FAM107B: variants seen among roughly 807,000 people sequenced by gnomAD.
FAM107B encodes family with sequence similarity 107 member B, also known as protein FAM107B.
In FAM107B, 21 loss-of-function variants were observed where a neutral mutation model predicts 31.5. The observed-to-expected ratio is 0.67, with a 90% CI of 0.47 to 0.96. The LOEUF (loss-of-function observed/expected upper bound fraction) is 0.96, where lower values mean the gene tolerates loss of function less well. Among genes scored for constraint, FAM107B ranks in the 40% least tolerant of loss-of-function variants. The pLI, the probability that FAM107B is intolerant of heterozygous loss-of-function variation, is 0.00. For synonymous variants in FAM107B, 157 were observed against 141.5 expected (o/e 1.11, Z -0.78); for missense variants, 452 against 377.1 (o/e 1.20, Z -1.64).
chr10:14,543,940 C>T (rs1848474160), intron 2 of FAM107B, among the ~76,000 whole-genome samples: 1 of 152,156 alleles, frequency 6.6e-6, no homozygotes, highest in Non-Finnish European at 1.5e-5. Context: ...TGGAGGGCCC[C>T]ACCTTTCGCC....
intron 2 of FAM107B, among the ~76,000 whole-genome samples, chr10:14,623,208 A>C (rs1224280606): frequency 6.6e-6 from 1 of 152,196 alleles, no homozygotes; most frequent in Non-Finnish European, 1.5e-5. Flanking sequence ...AACAACTAGC[A>C]CAACAACGCA....
intron 2 of FAM107B, among the ~76,000 whole-genome samples, chr10:14,593,915 A>G (rs1013212357): frequency 6.6e-6 from 1 of 152,232 alleles, no homozygotes; most frequent in Non-Finnish European, 1.5e-5. Flanking sequence ...GTTCGAGAGT[A>G]AAATGTATTA....
rs534977797 is a variant in FAM107B at position 14,605,620 on chromosome 10, C to G, written c.469+62014G>C. Among the ~76,000 whole-genome samples the G allele has an allele frequency of 3.3e-5, 5 of 152,332 alleles. No homozygotes were observed. The East Asian group carries it at 9.6e-4, about 29-fold the overall frequency. On this transcript the variant is annotated intron_variant, in intron 2 of 4. Coordinates refer to ENST00000181796, the MANE Select transcript of FAM107B (RefSeq NM_031453.4). ...GCCTGCCAGCCAAGTAAGGGTCTGGCCATCCCTGGGTCCCTGGAACCCACT... is the reference window on the plus strand; with the variant it reads ...GCCTGCCAGCCAAGTAAGGGTCTGGGCATCCCTGGGTCCCTGGAACCCACT...
chr10:14,722,631 T>C (rs899278567), intron 1 of FAM107B, among the ~76,000 whole-genome samples: 20 of 152,218 alleles, frequency 1.3e-4, no homozygotes, highest in Non-Finnish European at 5.9e-5. Context: ...TTTGGATAAA[T>C]ATCCAGTCAA....
chr10:14,556,347 T>C lies in FAM107B; in HGVS notation c.470-25832A>G, dbSNP rs1280309391. 8.1e-6 allele frequency: 8 copies of C among 985,286 alleles called. No individual in the cohort carries two copies. In the African/African-American group the frequency reaches 1.2e-4, roughly 15 times the overall value. The allele number at this position is 985,286 out of a possible 1,614,324, so 61.0% of individuals were successfully genotyped here. ...TGACTCCTCCCAAATGCACAGAAGATCTAGAAATGCTGACCTCAGAGTTTC... is the reference window on the plus strand; with the variant it reads ...TGACTCCTCCCAAATGCACAGAAGACCTAGAAATGCTGACCTCAGAGTTTC... On this transcript the variant is annotated intron_variant, in intron 2 of 4. Coordinates refer to ENST00000181796, the MANE Select transcript of FAM107B (RefSeq NM_031453.4).
chr10:14,635,756 C>G (rs1431171251), intron 2 of FAM107B, among the ~76,000 whole-genome samples: 1 of 152,124 alleles, frequency 6.6e-6, no homozygotes, highest in African/African-American at 2.4e-5. Context: ...CTCAGCCTCC[C>G]AAGTAGCTTG....
chr10:14,634,298 G>A (rs377032172), intron 2 of FAM107B, among the ~76,000 whole-genome samples: 10 of 151,862 alleles, frequency 6.6e-5, no homozygotes, highest in Admixed American at 4.6e-4. Context: ...TACTCGGGAC[G>A]CTGAGGCAGG....
In FAM107B at chr10:14,646,032, T is replaced by C. The variant is rs547386921; in HGVS notation, c.469+21602A>G. 9.9e-5 allele frequency among the ~76,000 whole-genome samples: 15 copies of C among 152,208 alleles called. No individual in the cohort carries two copies. In the South Asian group the frequency reaches 2.9e-3, roughly 30 times the overall value. On this transcript the variant is annotated intron_variant, in intron 2 of 4. Transcript: ENST00000181796. ...CTCTCCAGTTGACCACTCTGCAAGG[T>C]TGGTTACTCTAAAACTCCACCAGTG...
At chr10:14,589,801 G>A (rs1397074768) in intron 2 of FAM107B, among the ~76,000 whole-genome samples, 1 of 151,940 alleles carries the variant, frequency 6.6e-6, no homozygotes, top group Non-Finnish European at 1.5e-5. Flanking sequence ...ATGTAGCCCA[G>A]AACATAAAGC....
At chr10:14,553,574 C>G (rs530925149) in intron 2 of FAM107B, 1 of 320,110 alleles carries the variant, frequency 3.1e-6, no homozygotes, top group African/African-American at 2.2e-5. Flanking sequence ...TTAACCCCAC[C>G]ACACAGGAAA....
intron 1 of FAM107B, among the ~76,000 whole-genome samples, chr10:14,700,119 G>A (rs1855360317): frequency 6.6e-6 from 1 of 152,080 alleles, no homozygotes; most frequent in Non-Finnish European, 1.5e-5. Flanking sequence ...TTTTAGTAGA[G>A]ACTGGGTTTC....
At chr10:14,711,317 A>G (rs1173783058) in intron 1 of FAM107B, among the ~76,000 whole-genome samples, 1 of 152,202 alleles carries the variant, frequency 6.6e-6, no homozygotes, top group African/African-American at 2.4e-5. Context: ...CCACTCACTG[A>G]TTGACTCACC....
intron 1 of FAM107B, chr10:14,723,101 A>G: frequency 2.7e-6 from 1 of 375,928 alleles, no homozygotes; most frequent in Non-Finnish European, 5.2e-6. Context: ...TTTTTTTCTT[A>G]AGAGATTGAT....
intron 1 of FAM107B, among the ~76,000 whole-genome samples, chr10:14,721,204 A>G (rs1855904216): frequency 1.3e-5 from 2 of 152,134 alleles, no homozygotes; most frequent in African/African-American, 4.8e-5. Context: ...ATAGTATTCC[A>G]TGGTGTATAT....
At chr10:14,577,876 A>G (rs957917715) in intron 2 of FAM107B, among the ~76,000 whole-genome samples, 2 of 152,192 alleles carry the variant, frequency 1.3e-5, no homozygotes, top group East Asian at 3.8e-4. Flanking sequence ...AGGACAGTTA[A>G]TATTTCTGTA....
At chr10:14,629,348 T>C (rs1853265346) in intron 2 of FAM107B, among the ~76,000 whole-genome samples, 1 of 100,338 alleles carries the variant, frequency 1.0e-5, no homozygotes, top group Non-Finnish European at 1.9e-5. Flanking sequence ...ATGTAATTTA[T>C]ATATATAATA....
intron 1 of FAM107B, among the ~76,000 whole-genome samples, chr10:14,753,283 C>T (rs887989416): frequency 1.3e-5 from 2 of 152,176 alleles, no homozygotes; most frequent in African/African-American, 4.8e-5. Context: ...TTTATGATCA[C>T]CCTTTTCCCA....
intron 2 of FAM107B, among the ~76,000 whole-genome samples, chr10:14,583,422 GCA>G (rs886726336): frequency 6.6e-6 from 1 of 152,142 alleles, no homozygotes; most frequent in African/African-American, 2.4e-5. Flanking sequence ...CAGGACCGCA[GCA>G]CAGACCACAG....
At chr10:14,706,443 G>A (rs923819262) in intron 1 of FAM107B, among the ~76,000 whole-genome samples, 12 of 152,100 alleles carry the variant, frequency 7.9e-5, no homozygotes, top group African/African-American at 2.2e-4. Flanking sequence ...GCCCAGGCTG[G>A]TCTTGAACTC....
Sources: allele counts gnomAD v4.1 joint callset (sites outside exome capture counted in the v4.1 genomes callset), GRCh38; gene constraint gnomAD v4.1.1; transcripts MANE v1.5; gene names NCBI Gene and HGNC (gene_info 2026-07-23, HGNC 2026-07-21).